Variants in ATG2B observed in about 807,000 individuals in gnomAD.
The protein encoded by ATG2B is autophagy-related protein 2 homolog B.
ATG2B carries 121 observed loss-of-function variants against 241.3 expected under a neutral mutation model. The observed-to-expected ratio is 0.50, with a 90% CI of 0.43 to 0.58. ATG2B has a LOEUF of 0.58. Among genes scored for constraint, ATG2B ranks in the 20% least tolerant of loss-of-function variants. The probability of loss-of-function intolerance (pLI) is 0.00; values close to 1 mark genes in which losing one functional copy is unlikely to be tolerated. For missense variants in ATG2B, 2,306 were observed against 2,491.6 expected (o/e 0.93, Z 1.59); for synonymous variants, 858 against 876.6 (o/e 0.98, Z 0.37).
chr14:96,339,323 CAT>C (rs1887949255), intron 6 of ATG2B, among the ~76,000 whole-genome samples: 2 of 150,608 alleles, frequency 1.3e-5, no homozygotes, highest in African/African-American at 4.9e-5. Flanking sequence ...TATACACACA[CAT>C]ATATACACAT....
In ATG2B at chr14:96,311,218, C is replaced by A. The variant is rs1447297257; in HGVS notation, c.4060G>T (p.Ala1354Ser). Residue 1354 changes from alanine to serine, a missense_variant, in exon 28 of 42, where the codon GCT becomes TCT. Physicochemically the swap from Ala to Ser is moderately conservative, Grantham distance 99 (BLOSUM62 1). Coordinates refer to ENST00000359933, the MANE Select transcript of ATG2B (RefSeq NM_018036.7). The stretch of plus-strand genomic sequence containing the variant: ...TACTGAATGAGATTCATTAACGCAG[C>A]ACAAGAGTCTGAGCACGTTCTGATA... The part of the protein sequence containing the change: ...VHIRTCSDSC[A>S]ALMNLIQYIA... 3 of 1,613,934 alleles carry A rather than the reference C, an allele frequency of 1.9e-6. No homozygotes were observed. In the African/African-American group the frequency reaches 4.0e-5, roughly 22 times the overall value.
Position 96,331,449 on chromosome 14 carries a change from C to T in ATG2B, c.1657G>A (p.Ala553Thr). The change falls in exon 11 of 42, where the codon GCA (alanine) becomes ACA (threonine). Residue 553 changes from alanine to threonine, a missense_variant. By Grantham distance (58) the Ala-to-Thr change is moderately conservative. Transcript: ENST00000359933. ...TTAAAATCTTCTGTTGAAAATCTTGCTGGATCAATCTTTTCTATACAAGTA... is the reference window on the plus strand; with the variant it reads ...TTAAAATCTTCTGTTGAAAATCTTGTTGGATCAATCTTTTCTATACAAGTA... The part of the protein sequence containing the change: ...FFTCIEKIDP[A>T]RFSTEDFKSF... 6.2e-7 allele frequency: 1 copy of T among 1,614,042 alleles called. No homozygotes were observed. Among genetic ancestry groups the T allele is most frequent in the African/African-American group, 1.3e-5 (1 of 75,028 alleles).
intron 30 of ATG2B, 66 bp from the exon 31 acceptor site, chr14:96,305,881 A>C (rs1231597690): frequency 8.2e-7 from 1 of 1,224,242 alleles, no homozygotes; most frequent in Non-Finnish European, 1.2e-6. Context: ...TATGCTGCAC[A>C]TCTCAAGGGG....
intron 6 of ATG2B, among the ~76,000 whole-genome samples, chr14:96,339,131 A>T (rs1699262233): frequency 6.6e-6 from 1 of 152,112 alleles, no homozygotes; most frequent in Non-Finnish European, 1.5e-5. Flanking sequence ...AAAACAATAG[A>T]TGTTGGGATG....
Position 96,303,216 on chromosome 14 carries a change from C to A in ATG2B, c.4882G>T (p.Asp1628Tyr), listed in dbSNP as rs1886843902. The A allele has an allele frequency of 6.2e-7, 1 of 1,608,962 alleles. No individual in the cohort carries two copies. Among genetic ancestry groups the A allele is most frequent in the East Asian group, 2.2e-5 (1 of 44,624 alleles). The change falls in exon 33 of 42, where the codon GAT becomes TAT. Residue 1628 changes from aspartate (D) to tyrosine (Y), a missense_variant. By Grantham distance (160) the Asp-to-Tyr change is radical. Around this residue, in one of 2 missense-constraint regions of ATG2B, gnomAD observed 1,927 missense variants for 2,011.2 expected, o/e 0.96. Coordinates refer to ENST00000359933, the MANE Select transcript of ATG2B (RefSeq NM_018036.7). ...QHEVYPPCKP[D>Y]CDSSLSEHPV... ...TGTTCTGAGAGGCTGGAATCACAAT[C>A]AGGTTTGCATGGCGGGTAGACTTCA...
intron 17 of ATG2B, 36 bp from the exon 18 acceptor site, chr14:96,322,290 TC>T: frequency 6.4e-7 from 1 of 1,567,530 alleles, no homozygotes; most frequent in Non-Finnish European, 8.6e-7. Context: ...AAAAAAGGCA[TC>T]CATGTTTAAA....
rs185816070 is a variant in ATG2B at position 96,289,678 on chromosome 14, T to C, written c.5984A>G (p.Lys1995Arg). Residue 1995 changes from lysine to arginine, a missense_variant, in exon 41 of 42, where the codon AAG becomes AGG. Around this residue, in one of 2 missense-constraint regions of ATG2B, gnomAD observed 379 missense variants for 480.4 expected, o/e 0.79. Coordinates refer to ENST00000359933, the MANE Select transcript of ATG2B (RefSeq NM_018036.7). This position sits in a 1 kb window ranked among gnomAD's most constrained non-coding sequence, Gnocchi z 4.3. ...TACCTCTTTCACAACACTGTAGGCCTTGGCCACACCTTCCCTCAGGTCTAC... is the reference window on the plus strand; with the variant it reads ...TACCTCTTTCACAACACTGTAGGCCCTGGCCACACCTTCCCTCAGGTCTAC... The part of the protein sequence containing the change: ...QPVDLREGVA[K>R]AYSVVKEGIT... The C allele has an allele frequency of 1.3e-5, 21 of 1,614,228 alleles. No individual in the cohort carries two copies. The East Asian group carries it at 4.5e-4, about 34-fold the overall frequency.
At chr14:96,301,682 C>T (rs1274900408) in intron 34 of ATG2B, among the ~76,000 whole-genome samples, 1 of 152,152 alleles carries the variant, frequency 6.6e-6, no homozygotes, top group Non-Finnish European at 1.5e-5. Flanking sequence ...GCATTCAATT[C>T]ATCAGGGAAT....
At chr14:96,318,895 C>T (rs1253283406) in intron 18 of ATG2B, among the ~76,000 whole-genome samples, 3 of 152,204 alleles carry the variant, frequency 2.0e-5, no homozygotes, top group East Asian at 1.9e-4. Flanking sequence ...TGAATTTTCT[C>T]GTTTCCCCTT....
chr14:96,354,757 T>C (rs983328052), intron 1 of ATG2B, among the ~76,000 whole-genome samples: 3 of 152,192 alleles, frequency 2.0e-5, no homozygotes, highest in African/African-American at 7.2e-5. Context: ...AAAGCATTCC[T>C]TTTTCTCCAC....
intron 6 of ATG2B, among the ~76,000 whole-genome samples, chr14:96,339,862 C>T (rs1255178710): frequency 6.6e-6 from 1 of 151,146 alleles, no homozygotes; most frequent in Non-Finnish European, 1.5e-5. Flanking sequence ...ACCTGTATCC[C>T]AAAAACAACT....
intron 6 of ATG2B, among the ~76,000 whole-genome samples, chr14:96,336,958 T>C (rs956577918): frequency 6.6e-6 from 1 of 152,222 alleles, no homozygotes; most frequent in Non-Finnish European, 1.5e-5. Context: ...GTCTTCATTC[T>C]ACTTTCCTCC....
rs969486038 is a variant in ATG2B at position 96,328,547 on chromosome 14, A to G, written c.1975-12T>C. 7.0e-6 allele frequency: 11 copies of G among 1,581,942 alleles called. No homozygotes were observed. The African/African-American group carries it at 9.6e-5, about 14-fold the overall frequency. On this transcript the variant is annotated splice_polypyrimidine_tract_variant and intron_variant, in intron 13 of 41. Coordinates refer to ENST00000359933, the MANE Select transcript of ATG2B (RefSeq NM_018036.7). Reference sequence around the variant, plus strand: ...CTTGCTTGATTACCCTTTTAAAAAAAAAAAAGAAAAGGCATTAATACAATC... The same window carrying G: ...CTTGCTTGATTACCCTTTTAAAAAAGAAAAAGAAAAGGCATTAATACAATC...
chr14:96,352,010 GAAGAA>G lies in ATG2B; in HGVS notation c.163-4674_163-4670del, dbSNP rs570192995. On this transcript the variant is annotated intron_variant, in intron 1 of 41. Transcript: ENST00000359933. ...ATAATTGTAATTACAACACAATCCA[GAAGAA>G]AAGTAACACTTAAAGCCCCATGATT... Among the ~76,000 whole-genome samples the G allele has an allele frequency of 9.5e-4, 145 of 151,898 alleles. 1 individual carries two copies. Among genetic ancestry groups the G allele is most frequent in the African/African-American group, 3.3e-3 (137 of 41,392 alleles).
At chr14:96,362,179 A>G (rs890241626) in intron 1 of ATG2B, among the ~76,000 whole-genome samples, 1 of 152,124 alleles carries the variant, frequency 6.6e-6, no homozygotes, top group Non-Finnish European at 1.5e-5. Context: ...ACGATCTGTC[A>G]CGTGGAGCAA....
At chr14:96,311,702 C>A in intron 26 of ATG2B, 84 bp from the exon 27 acceptor site, 1 of 829,440 alleles carries the variant, frequency 1.2e-6, no homozygotes, top group South Asian at 1.6e-5. Flanking sequence ...AACTAGCATT[C>A]CTTTAAAATT....
Position 96,333,826 on chromosome 14 carries a change from G to A in ATG2B, c.1069C>T (p.Pro357Ser), listed in dbSNP as rs1191382901. 1 of 1,613,752 alleles carries A rather than the reference G, an allele frequency of 6.2e-7. No homozygotes were observed. Among genetic ancestry groups the A allele is most frequent in the Non-Finnish European group, 8.5e-7 (1 of 1,179,852 alleles). Residue 357 changes from proline (P) to serine (S), a missense_variant, in exon 8 of 42, where the codon CCC becomes TCC. Physicochemically the swap from Pro to Ser is moderately conservative, Grantham distance 74. Around this residue, in one of 2 missense-constraint regions of ATG2B, gnomAD observed 1,927 missense variants for 2,011.2 expected, o/e 0.96. Coordinates refer to ENST00000359933, the MANE Select transcript of ATG2B (RefSeq NM_018036.7). ...CGATACTCGTCTTCCTGCTGCATGG[G>A]TCGATTTTTCCTATCTTTATTAGCT... is the stretch of plus-strand genomic sequence containing the variant. The part of the protein sequence containing the change: ...GLANKDRKNR[P>S]MQQEDEYRIQ...
chr14:96,339,357 C>T (rs1887950828), intron 6 of ATG2B, among the ~76,000 whole-genome samples: 1 of 151,336 alleles, frequency 6.6e-6, no homozygotes, highest in Non-Finnish European at 1.5e-5. Context: ...CATATATATA[C>T]ACACATATAT....
chr14:96,298,340 A>G (rs1317198904), intron 34 of ATG2B, among the ~76,000 whole-genome samples: 1 of 152,240 alleles, frequency 6.6e-6, no homozygotes, highest in African/African-American at 2.4e-5. Context: ...GCAATGCAAC[A>G]GCCACTGTGA....
Sources: allele counts gnomAD v4.1 joint callset (sites outside exome capture counted in the v4.1 genomes callset), GRCh38; gene constraint gnomAD v4.1.1; regional missense constraint gnomAD v4.1.1; non-coding constraint Gnocchi (gnomAD v3.1); transcripts MANE v1.5; gene names NCBI Gene and HGNC (gene_info 2026-07-23, HGNC 2026-07-21).